The following DCLK2 variants were observed in gnomAD, a reference collection of about 807,000 sequenced individuals.
DCLK2 encodes the protein doublecortin like kinase 2.
In DCLK2, 31 loss-of-function variants were observed where a neutral mutation model predicts 78.4. That is an observed-to-expected ratio of 0.40 (90% CI 0.30 to 0.53). The LOEUF is 0.53. DCLK2 is among the 20% of genes least tolerant of loss of function. The pLI is 0.61. For synonymous variants in DCLK2, 407 were observed against 374.9 expected (o/e 1.09, Z -0.99); for missense variants, 872 against 973.7 (o/e 0.90, Z 1.39).
At chr4:150,200,580 T>C (rs1739379274) in intron 4 of DCLK2, among the ~76,000 whole-genome samples, 1 of 152,136 alleles carries the variant, frequency 6.6e-6, no homozygotes, top group Non-Finnish European at 1.5e-5. Context: ...TACCCAGGAG[T>C]GCTTTTACAG....
rs372811117 is a variant in DCLK2 at position 150,174,420 on chromosome 4, C to G, written c.757-18718C>G. Among the ~76,000 whole-genome samples, 6 of 152,280 alleles carry G rather than the reference C, an allele frequency of 3.9e-5. No homozygotes were observed. In the East Asian group the frequency reaches 1.2e-3, roughly 30 times the overall value. ...ATAGTCCCATCCACTTCTTTCACAA[C>G]GTGCCTTCCATGCCACTCCCAGACT... is the stretch of plus-strand genomic sequence containing the variant. On this transcript the variant is annotated intron_variant, in intron 2 of 15. Coordinates refer to ENST00000296550, the MANE Select transcript of DCLK2 (RefSeq NM_001040260.4).
intron 1 of DCLK2, among the ~76,000 whole-genome samples, chr4:150,093,405 G>T (rs1474541741): frequency 1.3e-5 from 2 of 152,190 alleles, no homozygotes; most frequent in African/African-American, 2.4e-5. Flanking sequence ...TATTGAGACG[G>T]AGTCTTGCCC....
At chr4:150,249,015 CG>C (rs1743541525) in intron 14 of DCLK2, among the ~76,000 whole-genome samples, 1 of 152,070 alleles carries the variant, frequency 6.6e-6, no homozygotes, top group Non-Finnish European at 1.5e-5. Flanking sequence ...TTGTTGACTC[CG>C]GTTGGGAAGC....
intron 1 of DCLK2, among the ~76,000 whole-genome samples, chr4:150,081,604 T>C (rs1729281892): frequency 6.6e-6 from 1 of 152,224 alleles, no homozygotes; most frequent in Admixed American, 6.5e-5. Flanking sequence ...GGACACTTTT[T>C]TTGTCATATG....
intron 5 of DCLK2, among the ~76,000 whole-genome samples, chr4:150,210,713 C>T (rs888176589): frequency 2.6e-5 from 4 of 151,958 alleles, no homozygotes; most frequent in Admixed American, 6.5e-5. Flanking sequence ...TTTGGGAGGC[C>T]GAGGTGGGTG....
intron 2 of DCLK2, among the ~76,000 whole-genome samples, chr4:150,183,660 G>A (rs1252440922): frequency 1.3e-5 from 2 of 152,076 alleles, no homozygotes; most frequent in African/African-American, 2.4e-5. Context: ...CATAGAGTAT[G>A]AGATGGACCC....
At chr4:150,081,613 T>C (rs1195118416) in intron 1 of DCLK2, among the ~76,000 whole-genome samples, 1 of 152,210 alleles carries the variant, frequency 6.6e-6, no homozygotes, top group Non-Finnish European at 1.5e-5. Context: ...TTTTGTCATA[T>C]GGAACTCTCT....
At chr4:150,238,663 C>T (rs755986385) in intron 10 of DCLK2, among the ~76,000 whole-genome samples, 2 of 151,938 alleles carry the variant, frequency 1.3e-5, no homozygotes, top group Non-Finnish European at 2.9e-5. Flanking sequence ...TCTGATTACC[C>T]ACAAGGAAGG....
At chr4:150,125,707 T>G (rs1253401606) in intron 2 of DCLK2, among the ~76,000 whole-genome samples, 7 of 152,094 alleles carry the variant, frequency 4.6e-5, no homozygotes, top group African/African-American at 1.7e-4. Flanking sequence ...CTGGCCAACG[T>G]GGTGAAACCC....
intron 5 of DCLK2, 52 bp from the exon 6 acceptor site, chr4:150,220,651 G>A: frequency 6.8e-7 from 1 of 1,466,288 alleles, no homozygotes; most frequent in Non-Finnish European, 9.5e-7. Context: ...GGATTAGTTA[G>A]CTAGGGATTT....
Position 150,256,585 on chromosome 4 carries a change from C to A in DCLK2, c.*338C>A. On this transcript the variant is annotated 3_prime_UTR_variant, in exon 16 of 16. Coordinates refer to ENST00000296550, the MANE Select transcript of DCLK2 (RefSeq NM_001040260.4). The stretch of plus-strand genomic sequence containing the variant: ...TGCAACTTTATTCCAGCATTCGATG[C>A]ATTTTTATAGAAACACTTTGGAAAC... The A allele has an allele frequency of 1.1e-5, 3 of 279,202 alleles. No individual in the cohort carries two copies. The highest frequency in any genetic ancestry group is 1.0e-3 in the Middle Eastern group (1 of 982). 17.3% of individuals were successfully genotyped at this position (279,202 alleles called of 1,614,324 possible).
chr4:150,163,483 A>C (rs182220940), intron 2 of DCLK2, among the ~76,000 whole-genome samples: 30 of 152,256 alleles, frequency 2.0e-4, no homozygotes, highest in Admixed American at 5.2e-4. Context: ...TAACTACTAC[A>C]TTATAGAGGA....
chr4:150,236,781 A>G (rs983569433), intron 10 of DCLK2, among the ~76,000 whole-genome samples: 30 of 152,230 alleles, frequency 2.0e-4, no homozygotes, highest in African/African-American at 7.2e-4. Flanking sequence ...GAGATGAATC[A>G]GATAAAATAT....
At position 150,256,311 on chromosome 4, in the gene DCLK2, G is replaced by C. The variant is rs891836968; in HGVS notation, c.*64G>C. The C allele has an allele frequency of 1.6e-5, 23 of 1,443,564 alleles. No homozygotes were observed. The highest frequency in any genetic ancestry group is 2.0e-5 in the Non-Finnish European group (22 of 1,102,502). The allele number at this position is 1,443,564 out of a possible 1,614,324, so 89.4% of individuals were successfully genotyped here. A position where few individuals can be genotyped will look rare whatever the true frequency, so the allele number is the denominator to read the frequency against. On this transcript the variant is annotated 3_prime_UTR_variant, in exon 16 of 16. Coordinates refer to ENST00000296550, the MANE Select transcript of DCLK2 (RefSeq NM_001040260.4). ...GGAAGCCAGCCCTCTGCTCGGCCTC[G>C]CCGGCCTCCCTGCTGCAGGCCTCCC...
intron 1 of DCLK2, among the ~76,000 whole-genome samples, chr4:150,099,510 A>G (rs1730713445): frequency 6.6e-6 from 1 of 152,250 alleles, no homozygotes; most frequent in Admixed American, 6.5e-5. Context: ...ACATTATAAG[A>G]CAAGCTAGCT....
chr4:150,119,752 A>AG (rs753991486), intron 2 of DCLK2, among the ~76,000 whole-genome samples: 3 of 152,118 alleles, frequency 2.0e-5, no homozygotes, highest in East Asian at 3.9e-4. Context: ...TTTAGCAGGG[A>AG]GAAAAAAAAA....
chr4:150,232,683 G>A lies in DCLK2; in HGVS notation c.1421G>A (p.Gly474Asp). 6.2e-7 allele frequency: 1 copy of A among 1,613,856 alleles called. No individual in the cohort carries two copies. The highest frequency in any genetic ancestry group is 1.1e-5 in the South Asian group (1 of 91,068). The change falls in exon 10 of 16, where the codon GGT becomes GAT. Residue 474 changes from glycine (G) to aspartate (D), a missense_variant and splice_region_variant. By Grantham distance (94) the Gly-to-Asp change is moderately conservative. Around this residue, in one of 3 missense-constraint regions of DCLK2, gnomAD observed 86 missense variants for 150.3 expected, o/e 0.57. Transcript: ENST00000296550. The part of the protein sequence containing the change: ...ELFLVMELVK[G>D]GDLFDAITSS... The stretch of plus-strand genomic sequence containing the variant: ...TATGTTCTTTTATGTATCGTTTAGG[G>A]TGGAGATCTCTTTGATGCAATTACT...
chr4:150,175,094 T>A (rs1452899961), intron 2 of DCLK2, among the ~76,000 whole-genome samples: 2 of 64,144 alleles, frequency 3.1e-5, no homozygotes, highest in African/African-American at 1.4e-4. Context: ...ATATATATAT[T>A]TATATATATT....
intron 4 of DCLK2, among the ~76,000 whole-genome samples, chr4:150,202,157 T>C (rs989322333): frequency 4.6e-5 from 7 of 152,222 alleles, no homozygotes; most frequent in African/African-American, 1.4e-4. Flanking sequence ...CATTACAGTA[T>C]TGTACAGTCT....
Sources: gnomAD v4.1 joint callset for allele counts (sites outside exome capture counted in the v4.1 genomes callset) on GRCh38, gnomAD v4.1.1 for gene constraint, gnomAD v4.1.1 regional missense constraint, MANE v1.5 for transcripts, NCBI Gene and HGNC (gene_info 2026-07-23, HGNC 2026-07-21) for gene names.